DMD: variants seen among roughly 807,000 people sequenced by gnomAD.
The protein encoded by DMD is dystrophin.
A neutral mutation model predicts 330.1 loss-of-function variants in DMD; 63 were observed. The ratio of observed to expected loss-of-function variants is 0.19; its 90% confidence interval spans 0.16 to 0.24. The LOEUF (loss-of-function observed/expected upper bound fraction) is 0.24, where lower values mean the gene tolerates loss of function less well. Among genes scored for constraint, DMD ranks in the 10% least tolerant of loss-of-function variants. The pLI, the probability that DMD is intolerant of heterozygous loss-of-function variation, is 1.00. For synonymous variants in DMD, 1,223 were observed against 959.8 expected (o/e 1.27, Z -5.07); for missense variants, 3,344 against 2,684.1 (o/e 1.25, Z -5.43).
chrX:33,006,170 T>C (rs895668912), intron 2 of DMD, among the ~76,000 whole-genome samples: 3 of 111,826 alleles, frequency 2.7e-5, no homozygotes, highest in African/African-American at 9.7e-5. Flanking sequence ...TCAGTTCTCC[T>C]CAAGTTGATC....
intron 1 of DMD, among the ~76,000 whole-genome samples, chrX:33,138,051 A>C (rs191303366): frequency 1.8e-5 from 2 of 111,101 alleles, no homozygotes; most frequent in East Asian, 5.7e-4. Context: ...TTTTCAGATG[A>C]AGAAACTAAG....
At chrX:32,859,465 A>ACT in intron 2 of DMD, among the ~76,000 whole-genome samples, 1 of 33,317 alleles carries the variant, frequency 3.0e-5, no homozygotes, top group African/African-American at 2.6e-4. Context: ...AAGATCTCAC[A>ACT]CACACACACA....
Position 31,134,110 on chromosome X carries a change from C to G in DMD, c.11006G>C (p.Ser3669Thr), listed in dbSNP as rs1363280114. Residue 3669 changes from serine (S) to threonine (T), a missense_variant, in exon 77 of 79, where the codon AGT becomes ACT. Physicochemically the swap from Ser to Thr is moderately conservative, Grantham distance 58. Transcript: ENST00000357033. ...TAGGTATTGGAGCTTACCTCTTGAA[C>G]TAGGGAAGGAGTTGTTGAGTTGCTC... ...VMEQLNNSFP[S>T]SRGRNTPGKP... The G allele has an allele frequency of 8.3e-7, 1 of 1,208,623 alleles. No individual in the cohort carries two copies. The highest frequency in any genetic ancestry group is 1.1e-6 in the Non-Finnish European group (1 of 894,208).
At chrX:32,304,079 C>T (rs1400857899) in intron 42 of DMD, among the ~76,000 whole-genome samples, 3 of 111,357 alleles carry the variant, frequency 2.7e-5, no homozygotes, top group Non-Finnish European at 5.7e-5. Flanking sequence ...CCAAAATATT[C>T]TTCATAGGAT....
chrX:32,911,980 A>G (rs2087287953), intron 2 of DMD, among the ~76,000 whole-genome samples: 1 of 106,496 alleles, frequency 9.4e-6, no homozygotes, highest in Admixed American at 1.0e-4. Flanking sequence ...TATTACCCTT[A>G]AAGTACAGGG....
At chrX:32,205,261 A>G (rs2097062711) in intron 44 of DMD, among the ~76,000 whole-genome samples, 1 of 101,332 alleles carries the variant, frequency 9.9e-6, no homozygotes, top group Non-Finnish European at 2.0e-5. Context: ...AAATGTCCTC[A>G]GCATTATTTT....
intron 5 of DMD, 106 bp downstream of exon 5, chrX:32,823,189 G>T: frequency 1.6e-6 from 1 of 638,795 alleles, no homozygotes; most frequent in Non-Finnish European, 2.6e-6. Context: ...CTATGGAGCA[G>T]GGTTTGTTAT....
intron 54 of DMD, among the ~76,000 whole-genome samples, chrX:31,630,704 G>C (rs2079091159): frequency 9.1e-6 from 1 of 110,266 alleles, no homozygotes; most frequent in Non-Finnish European, 1.9e-5. Context: ...GATATGTTCA[G>C]AAAAAAAACC....
At chrX:32,171,257 T>C (rs1221654046) in intron 44 of DMD, among the ~76,000 whole-genome samples, 3 of 111,714 alleles carry the variant, frequency 2.7e-5, no homozygotes, top group Admixed American at 9.5e-5. Flanking sequence ...CTAAAGTGAG[T>C]AAAATTAAAC....
chrX:32,674,223 T>G (rs1445671838), intron 9 of DMD, among the ~76,000 whole-genome samples: 1 of 111,818 alleles, frequency 8.9e-6, no homozygotes, highest in Non-Finnish European at 1.9e-5. Context: ...TTCTAACTTT[T>G]TACTTAGCAG....
intron 17 of DMD, among the ~76,000 whole-genome samples, chrX:32,522,521 T>A (rs2046540746): frequency 8.9e-6 from 1 of 112,232 alleles, no homozygotes; most frequent in African/African-American, 3.2e-5. Context: ...TTCTAGCTAC[T>A]TTGAAATATA....
At chrX:31,528,980 A>C (rs755211946) in intron 55 of DMD, among the ~76,000 whole-genome samples, 1 of 111,185 alleles carries the variant, frequency 9.0e-6, no homozygotes, top group Admixed American at 9.6e-5. Context: ...ATATGTTTTA[A>C]AAATTAAAAA....
chrX:32,272,110 A>G (rs977352198), intron 43 of DMD, among the ~76,000 whole-genome samples: 5 of 112,084 alleles, frequency 4.5e-5, no homozygotes, highest in Non-Finnish European at 9.4e-5. Context: ...AAAGTACTCC[A>G]CTGAATGGTA....
chrX:31,482,069 TGC>T (rs1236919182), intron 57 of DMD, among the ~76,000 whole-genome samples: 1 of 111,567 alleles, frequency 9.0e-6, no homozygotes, highest in Non-Finnish European at 1.9e-5. Flanking sequence ...TTCATCATGT[TGC>T]CCTAGGGGTA....
chrX:32,949,789 T>TA (rs1241216214), intron 2 of DMD, among the ~76,000 whole-genome samples: 8 of 110,879 alleles, frequency 7.2e-5, no homozygotes, highest in South Asian at 3.8e-4. Flanking sequence ...CAAACAGTTC[T>TA]AAAAAAAATC....
chrX:32,022,546 T>TAAGAGAAA (rs2095813494), intron 44 of DMD, among the ~76,000 whole-genome samples: 1 of 112,440 alleles, frequency 8.9e-6, no homozygotes, highest in Non-Finnish European at 1.9e-5. Flanking sequence ...AAAGAATTTT[T>TAAGAGAAA]AAGAGAAAAA....
intron 47 of DMD, among the ~76,000 whole-genome samples, chrX:31,895,235 C>T (rs999436265): frequency 1.3e-4 from 15 of 111,403 alleles, no homozygotes; most frequent in African/African-American, 4.9e-4. Flanking sequence ...GAGGATATCT[C>T]ATTTGAATTT....
intron 42 of DMD, among the ~76,000 whole-genome samples, chrX:32,304,831 G>A (rs1427476226): frequency 9.0e-6 from 1 of 111,343 alleles, no homozygotes; most frequent in African/African-American, 3.3e-5. Flanking sequence ...CAAAAGATCA[G>A]TTTCTACAAA....
chrX:32,627,493 T>C (rs922216651), intron 11 of DMD, among the ~76,000 whole-genome samples: 1 of 96,117 alleles, frequency 1.0e-5, no homozygotes, highest in Non-Finnish European at 1.9e-5. Context: ...AAAAAAGAGG[T>C]ATTATTGTAA....
Sources: allele counts gnomAD v4.1 joint callset (sites outside exome capture counted in the v4.1 genomes callset), GRCh38; gene constraint gnomAD v4.1.1; transcripts MANE v1.5; gene names NCBI Gene and HGNC (gene_info 2026-07-23, HGNC 2026-07-21).